FCGR3B: variants seen among roughly 807,000 people sequenced by gnomAD.
FCGR3B encodes the protein low affinity immunoglobulin gamma Fc region receptor III-B.
In FCGR3B, 20 loss-of-function variants were observed where a neutral mutation model predicts 26.7. The observed-to-expected ratio is 0.75, with a 90% CI of 0.53 to 1.09. FCGR3B has a LOEUF of 1.09. Ranked by LOEUF, FCGR3B falls within the 50% of genes least tolerant of loss-of-function variation. The pLI is 0.00. For missense variants in FCGR3B, 191 were observed against 279.7 expected, an observed-to-expected ratio of 0.68 and a Z score of 2.26; for synonymous variants, 79 against 107.0, an observed-to-expected ratio of 0.74 and a Z score of 1.62.
rs1348521542 is a variant in FCGR3B, at chr1:161,624,141, G to A, written c.*374C>T. 5 of 198,576 alleles carry A rather than the reference G, an allele frequency of 2.5e-5. No individual in the cohort carries two copies. In the Admixed American group the frequency reaches 2.7e-4, roughly 11 times the overall value. 12.3% of individuals were successfully genotyped at this position (198,576 alleles called of 1,614,324 possible). Reference sequence around the variant, plus strand: ...ACGAGCAATTTTTGTATGTTTAAAGGATTACCATCCCTAGCCTGTATTGTT... The same window carrying A: ...ACGAGCAATTTTTGTATGTTTAAAGAATTACCATCCCTAGCCTGTATTGTT... On this transcript the variant is annotated 3_prime_UTR_variant, in exon 5 of 5. Coordinates refer to ENST00000650385, the MANE Select transcript of FCGR3B (RefSeq NM_001244753.2).
rs374112391 is a variant in FCGR3B at position 161,629,797 on chromosome 1, C to A, written c.300G>T (p.Val100=). ...ACTCACCGATATGGACTTCTAGCTG[C>A]ACCGGGTCACTGAGGGTGGAGAGGT... ...QTNLSTLSDP[V]QLEVHIGWLL... is the part of the protein sequence containing the mutation. The change falls in exon 3 of 5, where the codon GTG becomes GTT. Residue 100 remains valine (V), a synonymous_variant. Coordinates refer to ENST00000650385, the MANE Select transcript of FCGR3B (RefSeq NM_001244753.2). The A allele has an allele frequency of 7.2e-5, 103 of 1,426,974 alleles. 18 individuals are homozygous for A. The African/African-American group carries it at 1.9e-3, about 27-fold the overall frequency. The allele number at this position is 1,426,974 out of a possible 1,614,324, so 88.4% of individuals were successfully genotyped here. A position where few individuals can be genotyped will look rare whatever the true frequency, so the allele number is the denominator to read the frequency against.
At chr1:161,627,097 C>T (rs923292308) in intron 3 of FCGR3B, among the ~76,000 whole-genome samples, 7 of 149,764 alleles carry the variant, frequency 4.7e-5, no homozygotes, top group African/African-American at 1.7e-4. Flanking sequence ...AATCATGTCA[C>T]CAAGTAATCA....
chr1:161,627,369 A>T (rs986233011), intron 3 of FCGR3B, among the ~76,000 whole-genome samples: 1 of 150,330 alleles, frequency 6.7e-6, no homozygotes, highest in Non-Finnish European at 1.5e-5. Flanking sequence ...TTACTTTTAT[A>T]TATTTTTGAA....
In FCGR3B at chr1:161,624,160, T is replaced by G; in HGVS notation, c.*355A>C. ...TTAAAGGATTACCATCCCTAGCCTGTATTGTTGCTTTGCTGTGAGGGAATG... is the reference window on the plus strand; with the variant it reads ...TTAAAGGATTACCATCCCTAGCCTGGATTGTTGCTTTGCTGTGAGGGAATG... On this transcript the variant is annotated 3_prime_UTR_variant, in exon 5 of 5. Transcript: ENST00000650385. The G allele has an allele frequency of 4.1e-6, 1 of 243,870 alleles. No individual in the cohort carries two copies. Among genetic ancestry groups the G allele is most frequent in the East Asian group, 7.6e-5 (1 of 13,178 alleles). 15.1% of individuals were successfully genotyped at this position (243,870 alleles called of 1,614,324 possible). A position where few individuals can be genotyped will look rare whatever the true frequency, so the allele number is the denominator to read the frequency against.
rs1172159225 is a variant in FCGR3B at position 161,623,535 on chromosome 1, A to G, written c.*980T>C. ...GAAAAGGTGGTTTTACAGTCCCTGC[A>G]TTAACCTCTAATTCTTACTACCCCG... is the stretch of plus-strand genomic sequence containing the variant. On this transcript the variant is annotated 3_prime_UTR_variant, in exon 5 of 5. Transcript: ENST00000650385. 2 of 149,594 alleles carry G rather than the reference A, an allele frequency of 1.3e-5. No individual in the cohort carries two copies. The highest frequency in any genetic ancestry group is 3.0e-5 in the Non-Finnish European group (2 of 67,618). 9.3% of individuals were successfully genotyped at this position (149,594 alleles called of 1,614,324 possible). A position where few individuals can be genotyped will look rare whatever the true frequency, so the allele number is the denominator to read the frequency against.
At chr1:161,631,261 C>G (rs1421028715), upstream of FCGR3B, 1 of 1,486,944 alleles carries the variant, frequency 6.7e-7, no homozygotes, top group Middle Eastern at 1.7e-4. Context: ...AATCTGAAGT[C>G]TCGCAATGGA....
At chr1:161,626,956 G>A (rs1304639324) in intron 3 of FCGR3B, among the ~76,000 whole-genome samples, 5 of 150,040 alleles carry the variant, frequency 3.3e-5, no homozygotes, top group Non-Finnish European at 7.4e-5. Context: ...GTGGCGAAGG[G>A]CGGGACTGGT....
rs1006474833 is a variant in FCGR3B at position 161,626,671 on chromosome 1, T to C, written c.320-269A>G. ...CAGAGGGACTAAGCAATGAGGTAAGTGAGAAGCAACGATGAGCATATCTGC... is the reference window on the plus strand; with the variant it reads ...CAGAGGGACTAAGCAATGAGGTAAGCGAGAAGCAACGATGAGCATATCTGC... On this transcript the variant is annotated intron_variant, in intron 3 of 4. Transcript: ENST00000650385. Among the ~76,000 whole-genome samples the C allele has an allele frequency of 2.4e-4, 35 of 148,858 alleles. 2 individuals carry two copies. Among genetic ancestry groups the C allele is most frequent in the Non-Finnish European group, 4.6e-4 (31 of 67,442 alleles).
At chr1:161,626,430 C>T (rs747393520) in intron 3 of FCGR3B, 28 bp from the exon 4 acceptor site, 20 of 1,606,162 alleles carry the variant, frequency 1.2e-5, no homozygotes, top group Middle Eastern at 1.7e-4. Flanking sequence ...ACCCCAGGCC[C>T]GGGAGGCCTC....
chr1:161,627,958 A>G (rs1248076416), intron 3 of FCGR3B, among the ~76,000 whole-genome samples: 1 of 150,252 alleles, frequency 6.7e-6, no homozygotes, highest in Non-Finnish European at 1.5e-5. Context: ...AGATTGGAAT[A>G]AAGAAATTCT....
At position 161,623,383 on chromosome 1, in the gene FCGR3B, TGAA is replaced by T. The variant is rs1679296928; in HGVS notation, c.*1129_*1131del. On this transcript the variant is annotated 3_prime_UTR_variant, in exon 5 of 5. Coordinates refer to ENST00000650385, the MANE Select transcript of FCGR3B (RefSeq NM_001244753.2). Reference sequence around the variant, plus strand: ...CATCCCCACCTCATTGGAACTGACATGAAGAAGGATTTGAAAGTTTCACAGCGT... The same window carrying T: ...CATCCCCACCTCATTGGAACTGACATGAAGGATTTGAAAGTTTCACAGCGT... The T allele has an allele frequency of 6.6e-6, 1 of 150,440 alleles. No individual in the cohort carries two copies. The highest frequency in any genetic ancestry group is 1.5e-5 in the Non-Finnish European group (1 of 67,778). The allele number at this position is 150,440 out of a possible 1,614,324, so 9.3% of individuals were successfully genotyped here. A position where few individuals can be genotyped will look rare whatever the true frequency, so the allele number is the denominator to read the frequency against.
intron 3 of FCGR3B, among the ~76,000 whole-genome samples, chr1:161,629,022 A>G (rs183538108): frequency 8.4e-6 from 1 of 119,634 alleles, no homozygotes; most frequent in Admixed American, 9.5e-5. Flanking sequence ...GAGGAGACAG[A>G]AAGATATGAT....
intron 3 of FCGR3B, among the ~76,000 whole-genome samples, chr1:161,628,831 G>A (rs115980388): frequency 0.018 from 2,564 of 144,946 alleles, 263 homozygotes; most frequent in African/African-American, 0.063. Flanking sequence ...GGGACACCAG[G>A]AAAGACCCCT....
In FCGR3B at chr1:161,630,870, T is replaced by C. The variant is rs564423575; in HGVS notation, c.40+185A>G. ...GGCCTCACTCATGACTATGACCCAA[T>C]TGGAACCAGCATTCTCCTCATTTCT... On this transcript the variant is annotated intron_variant, in intron 1 of 4. Coordinates refer to ENST00000650385, the MANE Select transcript of FCGR3B (RefSeq NM_001244753.2). The C allele has an allele frequency of 1.8e-4, 252 of 1,388,930 alleles. 12 individuals carry two copies. In the East Asian group the frequency reaches 3.3e-3, roughly 18 times the overall value. The allele number at this position is 1,388,930 out of a possible 1,614,324, so 86.0% of individuals were successfully genotyped here. A position where few individuals can be genotyped will look rare whatever the true frequency, so the allele number is the denominator to read the frequency against.
chr1:161,626,295 G>T lies in FCGR3B; in HGVS notation c.427C>A (p.Gln143Lys). The change falls in exon 4 of 5, where the codon CAG (glutamine) becomes AAG (lysine). Residue 143 changes from glutamine (Q) to lysine (K), a missense_variant. Gln to Lys is a moderately conservative substitution (Grantham distance 53). Coordinates refer to ENST00000650385, the MANE Select transcript of FCGR3B (RefSeq NM_001244753.2). ...AAATACTTCCTGTCTTTGCCATTCT[G>T]TAAATATGTGACCTTATGCAGAGCA... ...NTALHKVTYLQNGKDRKYFHH... is the reference protein window; with the variant it reads ...NTALHKVTYLKNGKDRKYFHH... 1 of 1,608,890 alleles carries T rather than the reference G, an allele frequency of 6.2e-7. No individual in the cohort carries two copies. Among genetic ancestry groups the T allele is most frequent in the Non-Finnish European group, 8.5e-7 (1 of 1,177,768 alleles).
intron 3 of FCGR3B, among the ~76,000 whole-genome samples, chr1:161,626,869 T>G (rs757838980): frequency 2.0e-5 from 3 of 150,410 alleles, no homozygotes; most frequent in African/African-American, 4.9e-5. Flanking sequence ...TCTTGTGGCC[T>G]TCAGGAATAA....
rs745348868 is a variant in FCGR3B, at chr1:161,624,645, A to G, written c.578-6T>C. On this transcript the variant is annotated splice_region_variant and splice_polypyrimidine_tract_variant and intron_variant, in intron 4 of 4. Coordinates refer to ENST00000650385, the MANE Select transcript of FCGR3B (RefSeq NM_001244753.2). ...GATGGTTGACACTGCCAAACCTATT[A>G]GGAGAAGTGGAGAGATGAAAAAAAA... The G allele has an allele frequency of 2.5e-6, 4 of 1,601,286 alleles. No homozygotes were observed. The highest frequency in any genetic ancestry group is 3.4e-6 in the Non-Finnish European group (4 of 1,173,822).
Position 161,623,296 on chromosome 1 carries a change from A to G in FCGR3B, c.*1219T>C, listed in dbSNP as rs1042276. The G allele has an allele frequency of 1.2e-4, 18 of 150,610 alleles. No homozygotes were observed. The highest frequency in any genetic ancestry group is 9.4e-4 in the East Asian group (5 of 5,296). The allele number at this position is 150,610 out of a possible 1,614,324, so 9.3% of individuals were successfully genotyped here. On this transcript the variant is annotated 3_prime_UTR_variant, in exon 5 of 5. Transcript: ENST00000650385. ...CTTTATTGGAACCAAGAAATGTTGC[A>G]CTGAAAGCTTACAAAACAGAGACAG...
Position 161,624,539 on chromosome 1 carries a change from A to C in FCGR3B, c.678T>G (p.Tyr226Ter). 6.2e-7 allele frequency: 1 copy of C among 1,607,318 alleles called. No homozygotes were observed. Among genetic ancestry groups the C allele is most frequent in the Non-Finnish European group, 8.5e-7 (1 of 1,177,002 alleles). Residue 226 changes from tyrosine to a stop codon, truncating the protein, a stop_gained, in exon 5 of 5, where the codon TAT becomes TAG. Transcript: ENST00000650385. LOFTEE classifies it high-confidence loss of function. ...TTCAAATGTTTGTCTTCACAGAGAA[A>C]TATAGTCCTGTGTCCACTGCAAAAA... The part of the protein sequence containing the change: ...VLLFAVDTGL[Y>*]FSVKTNI
Sources: allele counts gnomAD v4.1 joint callset (sites outside exome capture counted in the v4.1 genomes callset), GRCh38; gene constraint gnomAD v4.1.1; transcripts MANE v1.5; gene names NCBI Gene and HGNC (gene_info 2026-07-23, HGNC 2026-07-21).